Variants in NXF3 observed in about 807,000 individuals in gnomAD.
NXF3 encodes the protein nuclear RNA export factor 3, also known as TAP-like protein 3.
Under a neutral mutation model 48.4 loss-of-function variants are expected in NXF3, and 34 were observed. The ratio of observed to expected loss-of-function variants is 0.70; its 90% CI spans 0.53 to 0.93. The LOEUF (loss-of-function observed/expected upper bound fraction) is 0.93, where lower values mean the gene tolerates loss of function less well. NXF3 is among the 40% of genes least tolerant of loss of function. The pLI is 0.00. For missense variants in NXF3, 359 were observed against 406.1 expected, an observed-to-expected ratio of 0.88 and a Z score of 1.00; for synonymous variants, 132 against 145.7, an observed-to-expected ratio of 0.91 and a Z score of 0.68.
At chrX:103,079,087 G>A in intron 16 of NXF3, 134 bp downstream of exon 16, 7 of 690,750 alleles carry the variant, frequency 1.0e-5, no homozygotes, top group South Asian at 4.7e-5. Context: ...GGCAGAGTTG[G>A]GGTGGGAAAA....
At chrX:103,076,135 A>G (rs777479754) in intron 19 of NXF3, 106 bp downstream of exon 19, 76 of 564,104 alleles carry the variant, frequency 1.3e-4, no homozygotes, top group Non-Finnish European at 2.3e-4. Context: ...CCCTTGGCCG[A>G]GAGGAAGTGC....
In NXF3 at chrX:103,079,638, T is replaced by C. The variant is rs1411655151; in HGVS notation, c.1165A>G (p.Ser389Gly). The change falls in exon 14 of 20, where the codon AGC becomes GGC. Residue 389 changes from serine (S) to glycine (G), a missense_variant. Ser to Gly is a moderately conservative substitution (Grantham distance 56). Coordinates refer to ENST00000395065, the MANE Select transcript of NXF3 (RefSeq NM_022052.2). ...PFNPEDSAPS[S>G]FCKFFKDSRN... ...CTATCCTTGAAGAACTTGCAGAAGCTGCTCCTAGAAGAAAAAGAGGAGCAG... is the reference window on the plus strand; with the variant it reads ...CTATCCTTGAAGAACTTGCAGAAGCCGCTCCTAGAAGAAAAAGAGGAGCAG... 3 of 1,210,787 alleles carry C rather than the reference T, an allele frequency of 2.5e-6. No individual in the cohort carries two copies. Among genetic ancestry groups the C allele is most frequent in the Non-Finnish European group, 3.4e-6 (3 of 894,580 alleles).
At chrX:103,082,485 C>T in intron 8 of NXF3, 121 bp from the exon 9 acceptor site, 1 of 495,835 alleles carries the variant, frequency 2.0e-6, no homozygotes. Context: ...CCCTAATGAA[C>T]CCTCCTCCCC....
chrX:103,087,769 G>T, intron 1 of NXF3: 1 of 935,840 alleles, frequency 1.1e-6, no homozygotes, highest in Non-Finnish European at 1.5e-6. Context: ...AATGTCTCTC[G>T]TGTAGTAAAT....
chrX:103,091,052 T>G (rs1355772685), intron 1 of NXF3, among the ~76,000 whole-genome samples: 1 of 112,311 alleles, frequency 8.9e-6, no homozygotes, highest in Non-Finnish European at 1.9e-5. Context: ...ATGTCTGAAA[T>G]TATTGATTTT....
intron 1 of NXF3, chrX:103,088,869 A>T: frequency 8.5e-7 from 1 of 1,179,928 alleles, no homozygotes; most frequent in Non-Finnish European, 1.1e-6. Context: ...TGTTAACTAT[A>T]ATGATTCCCA....
At position 103,080,603 on chromosome X, in the gene NXF3, C is replaced by CCCA; in HGVS notation, c.899_900insTGG (p.Leu300_Glu301insGly). ...GGCATAATAATTTGGGGAACAATTC[C>CCCA]AGGATGGAGCTGCCGAAAATCAAAA... On this transcript the variant is annotated inframe_insertion, in exon 10 of 20. Transcript: ENST00000395065. 1.7e-6 allele frequency: 2 copies of CCCA among 1,210,879 alleles called. No homozygotes were observed. The highest frequency in any genetic ancestry group is 2.2e-6 in the Non-Finnish European group (2 of 894,567).
rs1482163713 is a variant in NXF3, at chrX:103,083,026, G to T, written c.669C>A (p.Ile223=). The T allele has an allele frequency of 8.3e-7, 1 of 1,210,351 alleles. No individual in the cohort carries two copies. The highest frequency in any genetic ancestry group is 3.0e-5 in the East Asian group (1 of 33,833). Residue 223 remains isoleucine, a synonymous_variant, in exon 7 of 20, where the codon ATC becomes ATA. Coordinates refer to ENST00000395065, the MANE Select transcript of NXF3 (RefSeq NM_022052.2). The stretch of plus-strand genomic sequence containing the variant: ...TACCTGGGTAAAATGGGAGTCTCTG[G>T]ATATCAAGAGCTTCCTGGGAGACAT... ...QCDVSQEALD[I]QRLPFYPDMV...
chrX:103,087,831 A>T (rs1922190249), intron 1 of NXF3: 1 of 923,261 alleles, frequency 1.1e-6, no homozygotes, highest in Non-Finnish European at 1.6e-6. Context: ...CATTCAGAAG[A>T]CCTTTTCAAT....
intron 1 of NXF3, among the ~76,000 whole-genome samples, chrX:103,085,620 G>A (rs1356517763): frequency 4.5e-5 from 5 of 111,725 alleles, no homozygotes; most frequent in Non-Finnish European, 9.4e-5. Context: ...TGTGGTAAGC[G>A]CAGCCGGGCG....
chrX:103,091,475 A>G (rs750828284), intron 1 of NXF3, among the ~76,000 whole-genome samples: 41 of 110,904 alleles, frequency 3.7e-4, no homozygotes, highest in African/African-American at 1.2e-3. Flanking sequence ...TAGTCTAGAG[A>G]TAAAGTATGC....
At chrX:103,084,249 G>A in intron 3 of NXF3, 93 bp downstream of exon 3, 1 of 998,719 alleles carries the variant, frequency 1.0e-6, no homozygotes, top group Non-Finnish European at 1.4e-6. Context: ...ATACTTTCCT[G>A]CCCTTACAAA....
intron 17 of NXF3, among the ~76,000 whole-genome samples, 160 bp downstream of exon 17, chrX:103,078,400 T>G (rs915516585): frequency 1.8e-5 from 2 of 112,291 alleles, no homozygotes; most frequent in Admixed American, 1.9e-4. Context: ...ATACTGGGAT[T>G]ACAGGCGTGA....
At position 103,075,844 on chromosome X, in the gene NXF3, T is replaced by A. The variant is rs1877056147; in HGVS notation, c.*206A>T. 7.5e-6 allele frequency: 1 copy of A among 132,588 alleles called. No individual in the cohort carries two copies. Among genetic ancestry groups the A allele is most frequent in the Non-Finnish European group, 1.5e-5 (1 of 66,845 alleles). The allele number at this position is 132,588 out of a possible 1,213,427, so 10.9% of individuals were successfully genotyped here. A position where few individuals can be genotyped will look rare whatever the true frequency, so the allele number is the denominator to read the frequency against. ...GATTTGACATAACAAGACACCATAC[T>A]TTATTGTGAAAAGGAACAGAGATCC... is the stretch of plus-strand genomic sequence containing the variant. On this transcript the variant is annotated 3_prime_UTR_variant, in exon 20 of 20. Transcript: ENST00000395065.
intron 1 of NXF3, chrX:103,088,223 G>A (rs1168290932): frequency 1.6e-5 from 12 of 748,897 alleles, no homozygotes; most frequent in African/African-American, 1.1e-4. Flanking sequence ...AAGCTTAAAC[G>A]TGCTAGGAGT....
At chrX:103,092,235 GT>G (rs371413249) in intron 1 of NXF3, among the ~76,000 whole-genome samples, 26 of 107,751 alleles carry the variant, frequency 2.4e-4, no homozygotes, top group African/African-American at 7.1e-4. Flanking sequence ...TAGAATTATT[GT>G]TTTTTTTTGT....
rs755477838 is a variant in NXF3 at position 103,080,064 on chromosome X, C to T, written c.1001G>A (p.Ser334Asn). 9.9e-6 allele frequency: 12 copies of T among 1,211,379 alleles called. No individual in the cohort carries two copies. Among genetic ancestry groups the T allele is most frequent in the Non-Finnish European group, 1.3e-5 (12 of 895,326 alleles). The change falls in exon 12 of 20, where the codon AGC becomes AAC. Residue 334 changes from serine (S) to asparagine (N), a missense_variant. Ser to Asn is a conservative substitution (Grantham distance 46). Coordinates refer to ENST00000395065, the MANE Select transcript of NXF3 (RefSeq NM_022052.2). ...CTTCAACATCTCAGATCCAAAGAAG[C>T]TTCCCTGGAATAAAGAGTCCCCAGG... is the stretch of plus-strand genomic sequence containing the variant. ...AHKRLPTCKG[S>N]FFGSEMLKNL... is the part of the protein sequence containing the mutation.
chrX:103,089,484 CATGATTTGA>C (rs1922227847), intron 1 of NXF3, among the ~76,000 whole-genome samples: 1 of 112,199 alleles, frequency 8.9e-6, no homozygotes, highest in Admixed American at 9.5e-5. Flanking sequence ...GAGGCAAGAA[CATGATTTGA>C]TGCTATAAAG....
At chrX:103,088,831 A>G (rs780678112) in intron 1 of NXF3, 1 of 1,158,873 alleles carries the variant, frequency 8.6e-7, no homozygotes, top group East Asian at 3.0e-5. Context: ...GGAAACTTGA[A>G]CAATCTTTCT....
Sources: allele counts gnomAD v4.1 joint callset (sites outside exome capture counted in the v4.1 genomes callset), GRCh38; gene constraint gnomAD v4.1.1; transcripts MANE v1.5; gene names NCBI Gene and HGNC (gene_info 2026-07-23, HGNC 2026-07-21).